BACH2: variants seen among roughly 807,000 people sequenced by gnomAD.
BACH2 encodes the protein transcription regulator protein BACH2.
A neutral mutation model predicts 61.8 loss-of-function variants in BACH2; 5 were observed. The ratio of observed to expected loss-of-function variants is 0.08; its 90% CI spans 0.04 to 0.17. The LOEUF (loss-of-function observed/expected upper bound fraction) is 0.17, where lower values mean the gene tolerates loss of function less well. Among genes scored for constraint, BACH2 ranks in the 10% least tolerant of loss-of-function variants. BACH2 has a pLI of 1.00. For missense variants in BACH2, 824 were observed against 1,091.1 expected (o/e 0.76, Z 3.45); for synonymous variants, 446 against 440.1 (o/e 1.01, Z -0.17).
chr6:90,063,412 T>C (rs1324521556), intron 5 of BACH2, among the ~76,000 whole-genome samples: 1 of 152,208 alleles, frequency 6.6e-6, no homozygotes, highest in East Asian at 1.9e-4. Context: ...CAGGATGTTC[T>C]TGGGGTAAAC....
intron 3 of BACH2, among the ~76,000 whole-genome samples, chr6:90,250,769 T>C (rs574504358): frequency 3.3e-5 from 5 of 152,336 alleles, no homozygotes; most frequent in African/African-American, 1.2e-4. Context: ...TACTGAGTTA[T>C]ATACTCAAAA....
intron 5 of BACH2, among the ~76,000 whole-genome samples, chr6:90,067,144 G>A (rs1210330250): frequency 6.6e-6 from 1 of 152,192 alleles, no homozygotes. Flanking sequence ...GGATTTGAGA[G>A]TGAGAATAGC....
intron 4 of BACH2, among the ~76,000 whole-genome samples, chr6:90,137,499 C>T (rs1018593287): frequency 2.6e-5 from 4 of 152,132 alleles, no homozygotes; most frequent in South Asian, 2.1e-4. Context: ...CTAGTTTCTC[C>T]GTTCTTTCCC....
At chr6:90,211,804 T>C (rs1472965190) in intron 3 of BACH2, among the ~76,000 whole-genome samples, 1 of 152,134 alleles carries the variant, frequency 6.6e-6, no homozygotes, top group Non-Finnish European at 1.5e-5. Context: ...GGGAGATAGA[T>C]AGGCCAACAA....
rs139597225 is a variant in BACH2, at chr6:90,235,493, G to A, written c.-275+17020C>T. Among the ~76,000 whole-genome samples, 125 of 152,292 alleles carry A rather than the reference G, an allele frequency of 8.2e-4. 1 individual carries two copies. The highest frequency in any genetic ancestry group is 2.9e-3 in the African/African-American group (122 of 41,564). On this transcript the variant is annotated intron_variant, in intron 3 of 8. Coordinates refer to ENST00000257749, the MANE Select transcript of BACH2 (RefSeq NM_021813.4). ...AACTGTTTTGATTACTGTTAAGGAT[G>A]TTGTAAAAGTCAGTGATCTATAGAG...
At chr6:89,959,547 A>C (rs1264063983) in intron 6 of BACH2, among the ~76,000 whole-genome samples, 1 of 152,042 alleles carries the variant, frequency 6.6e-6, no homozygotes, top group Non-Finnish European at 1.5e-5. Context: ...AAAACACCTA[A>C]AAAAATTATT....
At chr6:90,105,021 A>C (rs746728121) in intron 4 of BACH2, among the ~76,000 whole-genome samples, 3 of 152,214 alleles carry the variant, frequency 2.0e-5, no homozygotes, top group Non-Finnish European at 4.4e-5. Flanking sequence ...CTGATTCATA[A>C]ATTTTAATAT....
rs1463609680 is a variant in BACH2 at position 90,014,436 on chromosome 6, GTGTGTA to G, written c.-12-5586_-12-5581del. Among the ~76,000 whole-genome samples, 6 of 65,956 alleles carry G rather than the reference GTGTGTA, an allele frequency of 9.1e-5. No homozygotes were observed. In the East Asian group the frequency reaches 2.3e-3, roughly 25 times the overall value. 43.3% of individuals were successfully genotyped at this position (65,956 alleles called of 152,430 possible). ...GGCATAAAATTGTGTGTGTGTGTGT[GTGTGTA>G]TATATATATATATATATATATATAT... On this transcript the variant is annotated intron_variant, in intron 5 of 8. Transcript: ENST00000257749.
intron 3 of BACH2, among the ~76,000 whole-genome samples, chr6:90,244,939 A>C (rs549367696): frequency 6.6e-6 from 1 of 152,340 alleles, no homozygotes; most frequent in South Asian, 2.1e-4. Context: ...CACGCCTGTA[A>C]TCCCAGCACT....
intron 6 of BACH2, among the ~76,000 whole-genome samples, chr6:89,963,307 T>A (rs1235833729): frequency 1.3e-5 from 2 of 151,172 alleles, no homozygotes; most frequent in South Asian, 4.2e-4. Context: ...TGTTTGTTTT[T>A]GTTTTTAAGA....
chr6:90,135,953 G>C (rs1038910265), intron 4 of BACH2, among the ~76,000 whole-genome samples: 3 of 152,078 alleles, frequency 2.0e-5, no homozygotes, highest in African/African-American at 7.2e-5. Flanking sequence ...ACTCTGCCAC[G>C]GCCAGCTCAT....
At chr6:90,185,614 T>C (rs1176940034) in intron 4 of BACH2, among the ~76,000 whole-genome samples, 1 of 152,220 alleles carries the variant, frequency 6.6e-6, no homozygotes, top group Non-Finnish European at 1.5e-5. Flanking sequence ...ATTTTCATAG[T>C]TAAGAAATAA....
chr6:89,940,876 T>C (rs895576131), intron 7 of BACH2, among the ~76,000 whole-genome samples: 2 of 151,916 alleles, frequency 1.3e-5, no homozygotes, highest in African/African-American at 4.8e-5. Context: ...TGTGCTAAAC[T>C]TTCCAAATCC....
chr6:90,280,521 CAG>C (rs1771827218), intron 1 of BACH2, among the ~76,000 whole-genome samples: 1 of 152,142 alleles, frequency 6.6e-6, no homozygotes, highest in South Asian at 2.1e-4. Flanking sequence ...GTTGAACATA[CAG>C]TTTATTCTAT....
At chr6:89,944,264 A>G (rs561238092) in intron 7 of BACH2, among the ~76,000 whole-genome samples, 2 of 152,390 alleles carry the variant, frequency 1.3e-5, no homozygotes, top group East Asian at 3.9e-4. Flanking sequence ...TATGAAGAAT[A>G]CAACTGGATG....
chr6:90,120,682 T>C (rs1308623537), intron 4 of BACH2, among the ~76,000 whole-genome samples: 2 of 152,180 alleles, frequency 1.3e-5, no homozygotes, highest in South Asian at 2.1e-4. Flanking sequence ...TCAGAACCTA[T>C]CCAATAGAAA....
At chr6:90,103,056 G>T in intron 4 of BACH2, among the ~76,000 whole-genome samples, 1 of 38,252 alleles carries the variant, frequency 2.6e-5, no homozygotes, top group South Asian at 9.0e-4. Flanking sequence ...TTTTTTACCA[G>T]ACTATATTTT....
intron 6 of BACH2, among the ~76,000 whole-genome samples, chr6:89,959,016 A>G (rs574470458): frequency 3.3e-5 from 5 of 151,830 alleles, no homozygotes; most frequent in Non-Finnish European, 7.4e-5. Flanking sequence ...GACCCCTCTG[A>G]GCATGGGGCC....
intron 5 of BACH2, among the ~76,000 whole-genome samples, chr6:90,076,883 C>T (rs984150030): frequency 6.6e-5 from 10 of 152,188 alleles, no homozygotes; most frequent in African/African-American, 2.4e-4. Flanking sequence ...TTATATTTCA[C>T]ACTCCAAATG....
Sources: allele counts gnomAD v4.1 joint callset (sites outside exome capture counted in the v4.1 genomes callset), GRCh38; gene constraint gnomAD v4.1.1; transcripts MANE v1.5; gene names NCBI Gene and HGNC (gene_info 2026-07-23, HGNC 2026-07-21).